Variants in DACH2 observed in about 807,000 individuals in gnomAD.
DACH2 encodes dachshund homolog 2.
Under a neutral mutation model 35.8 loss-of-function variants are expected in DACH2, and 17 were observed. The observed-to-expected ratio is 0.48, with a 90% CI of 0.33 to 0.71. DACH2 has a LOEUF of 0.71. Among genes scored for constraint, DACH2 ranks in the 30% least tolerant of loss-of-function variants. The probability of loss-of-function intolerance (pLI) is 0.02; values close to 1 mark genes in which losing one functional copy is unlikely to be tolerated. For missense variants in DACH2, 469 were observed against 472.7 expected, an observed-to-expected ratio of 0.99 and a Z score of 0.07; for synonymous variants, 195 against 177.3, an observed-to-expected ratio of 1.10 and a Z score of -0.79.
rs137954388 is a variant in DACH2, at chrX:86,825,349, G to A, written c.1751-6757G>A. 5.1e-4 allele frequency among the ~76,000 whole-genome samples: 56 copies of A among 110,576 alleles called. No individual in the cohort carries two copies. The East Asian group carries it at 0.011, about 22-fold the overall frequency. On this transcript the variant is annotated intron_variant, in intron 11 of 11. Coordinates refer to ENST00000373125, the MANE Select transcript of DACH2 (RefSeq NM_053281.3). ...GGAGAATTGTTTGAACCTGGGAGGC[G>A]GAGGCTGCAGTGAGCTGAGATCACA...
chrX:86,162,342 T>C (rs908807856), intron 1 of DACH2, among the ~76,000 whole-genome samples: 1 of 110,799 alleles, frequency 9.0e-6, no homozygotes, highest in Admixed American at 9.7e-5. Context: ...GGAGTTCTAT[T>C]TGGGAATGAA....
At chrX:86,315,497 G>A (rs1022271920) in intron 1 of DACH2, among the ~76,000 whole-genome samples, 1 of 111,412 alleles carries the variant, frequency 9.0e-6, no homozygotes, top group African/African-American at 3.3e-5. Flanking sequence ...AATACATTTT[G>A]TAAGGCTATA....
At chrX:86,746,855 G>A (rs2041717944) in intron 7 of DACH2, among the ~76,000 whole-genome samples, 1 of 111,050 alleles carries the variant, frequency 9.0e-6, no homozygotes, top group African/African-American at 3.3e-5. Context: ...ACTTAGATCT[G>A]TACTCCCCTT....
At chrX:86,237,947 C>G (rs1057269155) in intron 1 of DACH2, among the ~76,000 whole-genome samples, 1 of 111,813 alleles carries the variant, frequency 8.9e-6, no homozygotes, top group Non-Finnish European at 1.9e-5. Context: ...CTGGGCTCCC[C>G]GAAGTGCCAC....
intron 1 of DACH2, among the ~76,000 whole-genome samples, chrX:86,277,275 A>T (rs1264936460): frequency 9.0e-6 from 1 of 110,865 alleles, no homozygotes; most frequent in Non-Finnish European, 1.9e-5. Context: ...ATTTAATTTT[A>T]TTTGTGGCTA....
intron 2 of DACH2, among the ~76,000 whole-genome samples, chrX:86,478,713 A>C (rs1432487397): frequency 9.2e-6 from 1 of 108,912 alleles, no homozygotes; most frequent in Non-Finnish European, 1.9e-5. Flanking sequence ...CCTGCTGCTC[A>C]AATTCCTAGG....
intron 2 of DACH2, among the ~76,000 whole-genome samples, chrX:86,462,049 A>G (rs1359158142): frequency 1.8e-5 from 2 of 111,555 alleles, no homozygotes; most frequent in African/African-American, 6.5e-5. Context: ...AAAGGAGACT[A>G]TCAACAGAGA....
chrX:86,513,874 C>A (rs1046534097), intron 2 of DACH2, among the ~76,000 whole-genome samples: 1 of 111,936 alleles, frequency 8.9e-6, no homozygotes, highest in Non-Finnish European at 1.9e-5. Context: ...GCATGCTGGG[C>A]AGAGACTTAA....
chrX:86,281,589 A>C (rs2034029273), intron 1 of DACH2, among the ~76,000 whole-genome samples: 1 of 50,267 alleles, frequency 2.0e-5, no homozygotes, highest in Non-Finnish European at 3.2e-5. Flanking sequence ...GAAAACTGGC[A>C]CAAGACAAGG....
chrX:86,174,117 TTG>T (rs1224423642), intron 1 of DACH2, among the ~76,000 whole-genome samples: 7 of 87,768 alleles, frequency 8.0e-5, no homozygotes, highest in African/African-American at 2.2e-4. Context: ...AAGAGTACAG[TTG>T]TTTTTTTTTT....
At chrX:86,280,561 AG>A (rs1473053939) in intron 1 of DACH2, among the ~76,000 whole-genome samples, 1 of 112,094 alleles carries the variant, frequency 8.9e-6, no homozygotes, top group Non-Finnish European at 1.9e-5. Flanking sequence ...GGCAAAAACC[AG>A]GTAGCATCAT....
At chrX:86,710,664 C>T (rs1212733801) in intron 5 of DACH2, among the ~76,000 whole-genome samples, 4 of 111,460 alleles carry the variant, frequency 3.6e-5, no homozygotes, top group Non-Finnish European at 5.7e-5. Flanking sequence ...TGAAGGCTAA[C>T]GTGAATTCAA....
intron 2 of DACH2, among the ~76,000 whole-genome samples, chrX:86,425,027 C>T (rs1441700744): frequency 9.0e-6 from 1 of 111,237 alleles, no homozygotes; most frequent in African/African-American, 3.3e-5. Context: ...ATAGAGCCCA[C>T]TTGGTCATGA....
chrX:86,167,197 C>A (rs1016824100), intron 1 of DACH2, among the ~76,000 whole-genome samples: 3 of 111,382 alleles, frequency 2.7e-5, no homozygotes, highest in African/African-American at 9.7e-5. Context: ...CCAAGCTTTT[C>A]TTCACTGGGG....
intron 2 of DACH2, among the ~76,000 whole-genome samples, chrX:86,442,634 T>C (rs2037188040): frequency 1.5e-5 from 1 of 64,845 alleles, no homozygotes; most frequent in Non-Finnish European, 2.7e-5. Context: ...TAGATCAGTG[T>C]CATGAAGCAT....
chrX:86,801,840 A>C (rs7051064), intron 7 of DACH2, among the ~76,000 whole-genome samples: 1 of 110,814 alleles, frequency 9.0e-6, no homozygotes, highest in Non-Finnish European at 1.9e-5. Flanking sequence ...TTGGAAAAAT[A>C]TTTTCCTTTT....
chrX:86,328,227 A>G (rs1242324433), intron 1 of DACH2, among the ~76,000 whole-genome samples: 2 of 111,784 alleles, frequency 1.8e-5, no homozygotes, highest in Non-Finnish European at 3.8e-5. Flanking sequence ...GACTGAGAGA[A>G]CGAAAATCTT....
At chrX:86,537,441 C>G (rs760389465) in intron 3 of DACH2, among the ~76,000 whole-genome samples, 1 of 111,340 alleles carries the variant, frequency 9.0e-6, no homozygotes, top group Admixed American at 9.6e-5. Context: ...TGGCTTTGTT[C>G]TATTTATACT....
rs1388313477 is a variant in DACH2, at chrX:86,417,113, AAAG to A, written c.527+40254_527+40256del. On this transcript the variant is annotated intron_variant, in intron 2 of 11. Transcript: ENST00000373125. ...TCAAAAAAAAAAAAAAAAAAAAAAA[AAAG>A]AAACCACAGTCAGATCTCCCATACA... 2.0e-3 allele frequency among the ~76,000 whole-genome samples: 206 copies of A among 104,175 alleles called. 3 individuals carry two copies. The highest frequency in any genetic ancestry group is 7.1e-3 in the African/African-American group (200 of 28,082). 90.5% of individuals were successfully genotyped at this position (104,175 alleles called of 115,157 possible). A position where few individuals can be genotyped will look rare whatever the true frequency, so the allele number is the denominator to read the frequency against.
Sources: gnomAD v4.1 joint callset for allele counts (sites outside exome capture counted in the v4.1 genomes callset) on GRCh38, gnomAD v4.1.1 for gene constraint, MANE v1.5 for transcripts, NCBI Gene and HGNC (gene_info 2026-07-23, HGNC 2026-07-21) for gene names.